Variants in CNTN3 observed in about 807,000 individuals in gnomAD.
The protein encoded by CNTN3 is contactin 3.
A neutral mutation model predicts 119.1 loss-of-function variants in CNTN3; 60 were observed. That is an observed-to-expected ratio of 0.50 (90% CI 0.41 to 0.62). The LOEUF is 0.62. CNTN3 is among the 20% of genes least tolerant of loss of function. The probability of loss-of-function intolerance (pLI) is 0.00; values close to 1 mark genes in which losing one functional copy is unlikely to be tolerated. For synonymous variants in CNTN3, 450 were observed against 438.7 expected (o/e 1.03, Z -0.32); for missense variants, 1,101 against 1,242.4 (o/e 0.89, Z 1.71).
intron 5 of CNTN3, among the ~76,000 whole-genome samples, chr3:74,406,551 A>T (rs540676841): frequency 3.7e-4 from 55 of 150,424 alleles, no homozygotes; most frequent in African/African-American, 1.0e-3. Flanking sequence ...TTTTTTTTTT[A>T]AATTATCTTC....
intron 13 of CNTN3, among the ~76,000 whole-genome samples, chr3:74,326,450 G>C (rs775613727): frequency 6.6e-6 from 1 of 152,062 alleles, no homozygotes; most frequent in Non-Finnish European, 1.5e-5. Flanking sequence ...TCACCTCAAA[G>C]CATTTATTTG....
At chr3:74,319,582 A>T (rs1702930033) in intron 13 of CNTN3, among the ~76,000 whole-genome samples, 1 of 152,066 alleles carries the variant, frequency 6.6e-6, no homozygotes, top group Non-Finnish European at 1.5e-5. Flanking sequence ...AACCTAGGCA[A>T]TACCATTCAG....
chr3:74,566,536 T>G (rs996354377), intron 1 of CNTN3, among the ~76,000 whole-genome samples: 4 of 152,160 alleles, frequency 2.6e-5, no homozygotes, highest in African/African-American at 9.7e-5. Context: ...CTGTGCCTCC[T>G]TTGGCTTAGG....
chr3:74,444,285 G>T (rs561061799), intron 4 of CNTN3, among the ~76,000 whole-genome samples: 1 of 151,880 alleles, frequency 6.6e-6, no homozygotes, highest in Non-Finnish European at 1.5e-5. Context: ...CTCTTATTGG[G>T]GGGGTTGGGG....
intron 4 of CNTN3, among the ~76,000 whole-genome samples, chr3:74,459,289 C>A (rs1403855993): frequency 1.3e-5 from 2 of 152,016 alleles, no homozygotes; most frequent in African/African-American, 2.4e-5. Flanking sequence ...CAATCTATCG[C>A]CAACCTCTGT....
chr3:74,365,078 T>C (rs1704157611), intron 9 of CNTN3, among the ~76,000 whole-genome samples: 1 of 151,958 alleles, frequency 6.6e-6, no homozygotes, highest in Non-Finnish European at 1.5e-5. Context: ...AAAGGTTAGG[T>C]ATGGAAACTG....
intron 5 of CNTN3, among the ~76,000 whole-genome samples, chr3:74,397,526 C>A (rs1705086806): frequency 6.6e-6 from 1 of 151,832 alleles, no homozygotes; most frequent in African/African-American, 2.4e-5. Context: ...CTCTCTCTCT[C>A]TCTCTCTCTG....
intron 5 of CNTN3, among the ~76,000 whole-genome samples, chr3:74,393,972 A>G (rs1254084115): frequency 6.6e-6 from 1 of 152,232 alleles, no homozygotes; most frequent in Non-Finnish European, 1.5e-5. Flanking sequence ...AATAACAAAA[A>G]GGTAAAAGAT....
chr3:74,605,510 T>G (rs2106710589), intron 1 of CNTN3, among the ~76,000 whole-genome samples: 1 of 152,288 alleles, frequency 6.6e-6, no homozygotes, highest in Admixed American at 6.5e-5. Context: ...GAATTTATTA[T>G]CTGATGATTT....
intron 13 of CNTN3, among the ~76,000 whole-genome samples, chr3:74,304,511 C>T (rs1702521189): frequency 6.6e-6 from 1 of 152,086 alleles, no homozygotes; most frequent in Non-Finnish European, 1.5e-5. Flanking sequence ...TTATTCTTGC[C>T]AACCTTTATT....
Position 74,497,893 on chromosome 3 carries a change from T to G in CNTN3, c.182+1766A>C, listed in dbSNP as rs563579484. On this transcript the variant is annotated intron_variant, in intron 3 of 22. Transcript: ENST00000263665. ...TATTTAAATACAGACTCCATGGCATTACAATAGGCACCTGTTATTTAAAGA... is the reference window on the plus strand; with the variant it reads ...TATTTAAATACAGACTCCATGGCATGACAATAGGCACCTGTTATTTAAAGA... Among the ~76,000 whole-genome samples, 58 of 151,978 alleles carry G rather than the reference T, an allele frequency of 3.8e-4. No homozygotes were observed. The South Asian group carries it at 0.012, about 31-fold the overall frequency.
chr3:74,336,706 T>C, intron 11 of CNTN3, 48 bp from the exon 12 acceptor site: 2 of 1,458,262 alleles, frequency 1.4e-6, no homozygotes, highest in Non-Finnish European at 1.9e-6. Flanking sequence ...AGCCATTTTT[T>C]TTCCAAATGA....
At position 74,553,340 on chromosome 3, in the gene CNTN3, G is replaced by A. The variant is rs146110576; in HGVS notation, c.-80-32148C>T. ...TTTCTTAATCCAGTCTATCATTGAT[G>A]GACATTTGGGTTGGGTCCAAGTCTT... On this transcript the variant is annotated intron_variant, in intron 1 of 22. Coordinates refer to ENST00000263665, the MANE Select transcript of CNTN3 (RefSeq NM_020872.3). 2.8e-3 allele frequency among the ~76,000 whole-genome samples: 433 copies of A among 152,286 alleles called. 4 individuals are homozygous for A. Among genetic ancestry groups the A allele is most frequent in the Admixed American group, 0.019 (288 of 15,304 alleles).
At chr3:74,292,496 G>C (rs1029777472) in intron 19 of CNTN3, among the ~76,000 whole-genome samples, 6 of 152,154 alleles carry the variant, frequency 3.9e-5, no homozygotes, top group South Asian at 2.1e-4. Context: ...AACCCAGGAG[G>C]GGGAGGTTGT....
rs767477939 is a variant in CNTN3, at chr3:74,334,807, G to A, written c.1596C>T (p.Ile532=). ...GGGCCCCATTGAAATACCAGGTAAAGATGATGTCTAACAGCGGGTCATGTT... is the reference window on the plus strand; with the variant it reads ...GGGCCCCATTGAAATACCAGGTAAAAATGATGTCTAACAGCGGGTCATGTT... ...QVQHDPLLDI[I]FTWYFNGALA... Residue 532 remains isoleucine, a synonymous_variant, in exon 13 of 23, where the codon ATC becomes ATT. Transcript: ENST00000263665. The A allele has an allele frequency of 1.9e-6, 3 of 1,613,478 alleles. No individual in the cohort carries two copies. In the African/African-American group the frequency reaches 4.0e-5, roughly 22 times the overall value.
At chr3:74,351,288 A>C (rs1357867745) in intron 11 of CNTN3, among the ~76,000 whole-genome samples, 1 of 152,180 alleles carries the variant, frequency 6.6e-6, no homozygotes, top group Non-Finnish European at 1.5e-5. Context: ...AGTTGGAAAT[A>C]ATTTGTCCAC....
At chr3:74,359,807 CTATT>C (rs1198974198) in intron 11 of CNTN3, among the ~76,000 whole-genome samples, 3 of 150,650 alleles carry the variant, frequency 2.0e-5, no homozygotes, top group African/African-American at 7.4e-5. Context: ...GAAATAATCT[CTATT>C]TAATTCATGT....
chr3:74,570,494 C>CA lies in CNTN3; in HGVS notation c.-81+43896_-81+43897insT, dbSNP rs200884835. On this transcript the variant is annotated intron_variant, in intron 1 of 22. Transcript: ENST00000263665. ...ACTGGCTCTCTCGCAACATTAAATG[C>CA]GGGAAAAAAAAATCACAAAAGAAGA... Among the ~76,000 whole-genome samples the CA allele has an allele frequency of 3.4e-3, 296 of 87,866 alleles. 3 individuals carry two copies. Among genetic ancestry groups the CA allele is most frequent in the African/African-American group, 0.012 (268 of 21,530 alleles). 57.6% of individuals were successfully genotyped at this position (87,866 alleles called of 152,430 possible).
At chr3:74,390,260 C>T (rs1207030416) in intron 5 of CNTN3, among the ~76,000 whole-genome samples, 2 of 151,878 alleles carry the variant, frequency 1.3e-5, no homozygotes, top group African/African-American at 4.8e-5. Context: ...GACTGAGGCC[C>T]GGAATGTGGA....
Sources: allele counts gnomAD v4.1 joint callset (sites outside exome capture counted in the v4.1 genomes callset), GRCh38; gene constraint gnomAD v4.1.1; transcripts MANE v1.5; gene names NCBI Gene and HGNC (gene_info 2026-07-23, HGNC 2026-07-21).